Variants in ZFAND6 observed in about 807,000 individuals in gnomAD.
ZFAND6 encodes the protein AN1-type zinc finger protein 6.
Under a neutral mutation model 24.5 loss-of-function variants are expected in ZFAND6, and 12 were observed. The observed-to-expected ratio is 0.49, with a 90% CI of 0.31 to 0.79. The LOEUF is 0.79. Among genes scored for constraint, ZFAND6 ranks in the 30% least tolerant of loss-of-function variants. ZFAND6 has a pLI of 0.04. For missense variants in ZFAND6, 207 were observed against 245.9 expected (o/e 0.84, Z 1.06); for synonymous variants, 92 against 81.5 (o/e 1.13, Z -0.69).
chr15:80,134,558 G>A (rs567492104), intron 6 of ZFAND6, among the ~76,000 whole-genome samples: 1 of 152,328 alleles, frequency 6.6e-6, no homozygotes, highest in African/African-American at 2.4e-5. Context: ...AAGCTCTCAA[G>A]CCTGAAACAA....
intron 2 of ZFAND6, among the ~76,000 whole-genome samples, chr15:80,107,021 T>C (rs2039365392): frequency 6.6e-6 from 1 of 152,072 alleles, no homozygotes; most frequent in South Asian, 2.1e-4. Context: ...AAGACCAGCC[T>C]GATGAACATG....
At chr15:80,061,339 C>T (rs2036322692) in intron 1 of ZFAND6, among the ~76,000 whole-genome samples, 1 of 151,996 alleles carries the variant, frequency 6.6e-6, no homozygotes, top group Non-Finnish European at 1.5e-5. Context: ...TTATTGTCAA[C>T]TATATGTCAG....
At chr15:80,132,260 A>G (rs1022950940) in intron 6 of ZFAND6, among the ~76,000 whole-genome samples, 2 of 152,232 alleles carry the variant, frequency 1.3e-5, no homozygotes, top group African/African-American at 4.8e-5. Flanking sequence ...TAGCCTAGAA[A>G]TATATTTTTT....
intron 5 of ZFAND6, among the ~76,000 whole-genome samples, chr15:80,123,869 C>T (rs1344084495): frequency 6.6e-6 from 1 of 151,934 alleles, no homozygotes; most frequent in Non-Finnish European, 1.5e-5. Flanking sequence ...AGAGCAATTC[C>T]CCCACACCCG....
intron 2 of ZFAND6, among the ~76,000 whole-genome samples, chr15:80,106,510 T>A (rs372555283): frequency 1.5e-4 from 23 of 152,086 alleles, no homozygotes; most frequent in African/African-American, 5.3e-4. Context: ...AGAGAAAAAA[T>A]TTGCCAGCCC....
chr15:80,127,589 C>CAAAAAAA (rs55872915), intron 5 of ZFAND6, among the ~76,000 whole-genome samples: 1 of 120,074 alleles, frequency 8.3e-6, no homozygotes, highest in Non-Finnish European at 1.7e-5. Flanking sequence ...AACTCCATCT[C>CAAAAAAA]AAAAAAAAAA....
intron 3 of ZFAND6, among the ~76,000 whole-genome samples, chr15:80,121,443 CA>C (rs2040141721): frequency 6.6e-6 from 1 of 152,122 alleles, no homozygotes; most frequent in African/African-American, 2.4e-5. Context: ...TGAATTAAAG[CA>C]TTTGGGCTTG....
At chr15:80,080,480 C>G (rs2037596887) in intron 1 of ZFAND6, among the ~76,000 whole-genome samples, 2 of 152,146 alleles carry the variant, frequency 1.3e-5, no homozygotes, top group South Asian at 4.1e-4. Flanking sequence ...CATAGTAAGA[C>G]ATTAACAATA....
intron 1 of ZFAND6, chr15:80,073,222 C>T: frequency 4.5e-6 from 1 of 223,558 alleles, no homozygotes; most frequent in South Asian, 4.5e-5. Flanking sequence ...CAAAGTGAAA[C>T]TGCTTTCTTC....
At chr15:80,070,871 T>A (rs770097765) in intron 1 of ZFAND6, among the ~76,000 whole-genome samples, 13 of 152,212 alleles carry the variant, frequency 8.5e-5, no homozygotes, top group Non-Finnish European at 1.8e-4. Flanking sequence ...ATGCTGTAAT[T>A]CAAACTGTAT....
chr15:80,137,199 C>T (rs2040904100), intron 6 of ZFAND6, among the ~76,000 whole-genome samples: 1 of 152,184 alleles, frequency 6.6e-6, no homozygotes, highest in East Asian at 1.9e-4. Flanking sequence ...ACATTTTCAA[C>T]CTAGCAACTG....
rs1273901462 is a variant in ZFAND6 at position 80,112,732 on chromosome 15, T to C, written c.-17-7596T>C. On this transcript the variant is annotated intron_variant, in intron 2 of 6. Coordinates refer to ENST00000261749, the MANE Select transcript of ZFAND6 (RefSeq NM_019006.4). ...ATCATCTCTGCAAAAAGGTTACTGC[T>C]GCTCCTTACCATCCCTCATGTCTCT... 11 of 455,656 alleles carry C rather than the reference T, an allele frequency of 2.4e-5. No individual in the cohort carries two copies. In the Admixed American group the frequency reaches 2.6e-4, roughly 11 times the overall value. The allele number at this position is 455,656 out of a possible 1,614,324, so 28.2% of individuals were successfully genotyped here. A position where few individuals can be genotyped will look rare whatever the true frequency, so the allele number is the denominator to read the frequency against.
chr15:80,098,845 C>T (rs1188652346), intron 2 of ZFAND6, among the ~76,000 whole-genome samples: 2 of 151,988 alleles, frequency 1.3e-5, no homozygotes, highest in African/African-American at 4.8e-5. Context: ...ATCTGCATTA[C>T]TAATTTATTA....
At chr15:80,120,576 T>C (rs1353715912) in intron 3 of ZFAND6, 78 bp downstream of exon 3, 4 of 1,216,850 alleles carry the variant, frequency 3.3e-6, no homozygotes, top group South Asian at 5.1e-5. Flanking sequence ...AATACCTTTT[T>C]CTGCTCTCAC....
chr15:80,061,285 C>T (rs563068674), intron 1 of ZFAND6, among the ~76,000 whole-genome samples: 1 of 152,178 alleles, frequency 6.6e-6, no homozygotes, highest in South Asian at 2.1e-4. Flanking sequence ...TGGGTGTATG[C>T]ATATGTCAGA....
At chr15:80,127,359 G>A (rs190930086) in intron 5 of ZFAND6, among the ~76,000 whole-genome samples, 153 of 152,002 alleles carry the variant, frequency 1.0e-3, no homozygotes, top group Non-Finnish European at 1.5e-3. Context: ...AGGCTGAGGC[G>A]GGCGGATCAC....
intron 1 of ZFAND6, among the ~76,000 whole-genome samples, chr15:80,075,583 T>C (rs891076699): frequency 6.6e-6 from 1 of 152,100 alleles, no homozygotes; most frequent in African/African-American, 2.4e-5. Flanking sequence ...TCAAAAATAA[T>C]GTATTCAAAG....
At chr15:80,068,918 G>A (rs1167777589) in intron 1 of ZFAND6, among the ~76,000 whole-genome samples, 2 of 152,184 alleles carry the variant, frequency 1.3e-5, no homozygotes, top group Non-Finnish European at 2.9e-5. Context: ...CATAACAGAC[G>A]TTCAAAAGAT....
chr15:80,069,599 A>G (rs970657372), intron 1 of ZFAND6, among the ~76,000 whole-genome samples: 5 of 151,992 alleles, frequency 3.3e-5, no homozygotes, highest in African/African-American at 9.7e-5. Context: ...TACTTTTGCC[A>G]GGGAAATATT....
Sources: gnomAD v4.1 joint callset for allele counts (sites outside exome capture counted in the v4.1 genomes callset) on GRCh38, gnomAD v4.1.1 for gene constraint, MANE v1.5 for transcripts, NCBI Gene and HGNC (gene_info 2026-07-23, HGNC 2026-07-21) for gene names.